ZSCAN1: variants seen among roughly 807,000 people sequenced by gnomAD.
ZSCAN1 encodes zinc finger and SCAN domain-containing protein 1.
Under a neutral mutation model 23.8 loss-of-function variants are expected in ZSCAN1, and 23 were observed. The ratio of observed to expected loss-of-function variants is 0.97; its 90% CI spans 0.70 to 1.37. ZSCAN1 has a LOEUF of 1.37. ZSCAN1 is among the 40% of genes most tolerant of loss of function. The pLI is 0.00. For synonymous variants in ZSCAN1, 236 were observed against 232.3 expected (o/e 1.02, Z -0.15); for missense variants, 575 against 554.0 (o/e 1.04, Z -0.38).
At chr19:58,055,409 C>G (rs551561409), downstream of ZSCAN1, among the ~76,000 whole-genome samples, 17 of 152,346 alleles carry the variant, frequency 1.1e-4, no homozygotes, top group Non-Finnish European at 2.2e-4. Flanking sequence ...TGCTTCCCGG[C>G]TCCCTCAGGC....
rs2073713986 is a variant in ZSCAN1 at position 58,034,086 on chromosome 19, C to T, written c.-227C>T. The T allele has an allele frequency of 6.6e-6, 1 of 151,734 alleles. No individual in the cohort carries two copies. The highest frequency in any genetic ancestry group is 2.4e-5 in the African/African-American group (1 of 41,392). 9.4% of individuals were successfully genotyped at this position (151,734 alleles called of 1,614,324 possible). Reference sequence around the variant, plus strand: ...GCAGGGTGCGGGGATGGGGTCCGCCCGCGGCGTTGGGCGCGCTCGCCAGCC... The same window carrying T: ...GCAGGGTGCGGGGATGGGGTCCGCCTGCGGCGTTGGGCGCGCTCGCCAGCC... On this transcript the variant is annotated 5_prime_UTR_variant, in exon 1 of 6. Transcript: ENST00000282326.
intron 4 of ZSCAN1, among the ~76,000 whole-genome samples, chr19:58,041,779 G>A (rs1277491828): frequency 6.6e-6 from 1 of 152,158 alleles, no homozygotes; most frequent in East Asian, 1.9e-4. Context: ...TGGAGGCTGA[G>A]GTAGGAGGAT....
rs1265259000 is a variant in ZSCAN1 at position 58,040,704 on chromosome 19, C to G, written c.465+160C>G. Among the ~76,000 whole-genome samples the G allele has an allele frequency of 2.0e-5, 3 of 152,210 alleles. No individual in the cohort carries two copies. The highest frequency in any genetic ancestry group is 7.2e-5 in the African/African-American group (3 of 41,448). ...ACTCCCCGCCTGCCCCACAGATTCC[C>G]CAAGCTTCCTGGGGCTCAGTGCTGG... On this transcript the variant is annotated intron_variant, in intron 4 of 5. Coordinates refer to ENST00000282326, the MANE Select transcript of ZSCAN1 (RefSeq NM_182572.4). This position sits in a 1 kb window ranked among gnomAD's most constrained non-coding sequence, Gnocchi z 5.8.
intron 3 of ZSCAN1, among the ~76,000 whole-genome samples, chr19:58,039,174 A>T (rs374983175): frequency 6.6e-6 from 1 of 152,204 alleles, no homozygotes; most frequent in Non-Finnish European, 1.5e-5. Context: ...AGCTTTCCAG[A>T]GGCTCAAGGG....
chr19:58,035,189 G>C (rs369865295), intron 1 of ZSCAN1, among the ~76,000 whole-genome samples: 6 of 151,876 alleles, frequency 4.0e-5, no homozygotes, highest in South Asian at 4.2e-4. Flanking sequence ...TTGCCCATGG[G>C]GGGGCCCAGA....
intron 3 of ZSCAN1, among the ~76,000 whole-genome samples, chr19:58,039,344 C>G (rs895833024): frequency 6.6e-6 from 1 of 152,238 alleles, no homozygotes; most frequent in African/African-American, 2.4e-5. Flanking sequence ...TCCATGGTCA[C>G]TCTCAAAATT....
intron 2 of ZSCAN1, among the ~76,000 whole-genome samples, chr19:58,036,295 C>G (rs117642222): frequency 0.018 from 2,710 of 152,208 alleles, 41 homozygotes; most frequent in Non-Finnish European, 0.024. Context: ...CGCAGTCTAC[C>G]AAGTGTTCTT....
rs1381754107 is a variant in ZSCAN1 at position 58,040,127 on chromosome 19, C to T, written c.371-323C>T. ...ACTCTGTGCACACAGCCCCGGGGGG[C>T]TTGGGGAGCAGAGGGCTCACAGTGC... is the stretch of plus-strand genomic sequence containing the variant. On this transcript the variant is annotated intron_variant, in intron 3 of 5. Transcript: ENST00000282326. This position sits in a 1 kb window ranked among gnomAD's most constrained non-coding sequence, Gnocchi z 5.8. Among the ~76,000 whole-genome samples, 1 of 152,314 alleles carries T rather than the reference C, an allele frequency of 6.6e-6. No homozygotes were observed. Among genetic ancestry groups the T allele is most frequent in the Admixed American group, 6.5e-5 (1 of 15,302 alleles).
At chr19:58,054,998 C>T (rs1261204191), downstream of ZSCAN1, among the ~76,000 whole-genome samples, 1 of 152,110 alleles carries the variant, frequency 6.6e-6, no homozygotes, top group Non-Finnish European at 1.5e-5. This position sits in a 1 kb window ranked among gnomAD's most constrained non-coding sequence, Gnocchi z 4.2. Flanking sequence ...GACGTCACAG[C>T]GGGGAGCCAG....
In ZSCAN1 at chr19:58,053,596, AG is replaced by A; in HGVS notation, c.773del (p.Ser258ThrfsTer24). On this transcript the variant is annotated frameshift_variant, in exon 6 of 6. Coordinates refer to ENST00000282326, the MANE Select transcript of ZSCAN1 (RefSeq NM_182572.4). LOFTEE classifies it low-confidence loss of function (END_TRUNC). This position sits in a 1 kb window ranked among gnomAD's most constrained non-coding sequence, Gnocchi z 5.8. The part of the protein sequence containing the change: ...PRRRNRNTDQ[S>X]GRHQPSLKHT... Reference sequence around the variant, plus strand: ...AAGGAGAAACAGGAACACTGACCAGAGCGGCCGCCACCAGCCATCCCTCAAG... The same window carrying A: ...AAGGAGAAACAGGAACACTGACCAGACGGCCGCCACCAGCCATCCCTCAAG... 6.2e-7 allele frequency: 1 copy of A among 1,614,076 alleles called. No individual in the cohort carries two copies. Among genetic ancestry groups the A allele is most frequent in the South Asian group, 1.1e-5 (1 of 91,068 alleles).
At position 58,045,310 on chromosome 19, in the gene ZSCAN1, C is replaced by T. The variant is rs2123431975; in HGVS notation, c.465+4766C>T. ...AACATGTTGCCATCCACATCCGAGA[C>T]TCAGTCCATCAAGGAGAAGAGGCTG... On this transcript the variant is annotated intron_variant, in intron 4 of 5. Transcript: ENST00000282326. The surrounding 1 kb of genome is among the most constrained non-coding windows in gnomAD (Gnocchi z 4.3). 1 of 793,076 alleles carries T rather than the reference C, an allele frequency of 1.3e-6. No homozygotes were observed. Among genetic ancestry groups the T allele is most frequent in the East Asian group, 2.4e-5 (1 of 41,234 alleles). The allele number at this position is 793,076 out of a possible 1,614,324, so 49.1% of individuals were successfully genotyped here.
Position 58,054,065 on chromosome 19 carries a change from G to A in ZSCAN1, c.*14G>A, listed in dbSNP as rs1232383808. Reference sequence around the variant, plus strand: ...GGCCACATGTGAATGGCCAGCCTCGGGCCTCGGCCACCCGGCCCTGAGTCC... The same window carrying A: ...GGCCACATGTGAATGGCCAGCCTCGAGCCTCGGCCACCCGGCCCTGAGTCC... On this transcript the variant is annotated 3_prime_UTR_variant, in exon 6 of 6. Coordinates refer to ENST00000282326, the MANE Select transcript of ZSCAN1 (RefSeq NM_182572.4). This position sits in a 1 kb window ranked among gnomAD's most constrained non-coding sequence, Gnocchi z 4.2. The A allele has an allele frequency of 2.0e-6, 3 of 1,481,572 alleles. No individual in the cohort carries two copies. The highest frequency in any genetic ancestry group is 2.8e-5 in the African/African-American group (2 of 71,128). The allele number at this position is 1,481,572 out of a possible 1,614,324, so 91.8% of individuals were successfully genotyped here.
rs2073754536 is a variant in ZSCAN1 at position 58,038,183 on chromosome 19, T to G, written c.347T>G (p.Leu116Arg). The G allele has an allele frequency of 6.2e-7, 1 of 1,607,004 alleles. No homozygotes were observed. Among genetic ancestry groups the G allele is most frequent in the Non-Finnish European group, 8.5e-7 (1 of 1,178,238 alleles). The part of the protein sequence containing the change: ...CREAASLVED[L>R]TQMCQQEVLV... ...GAGGCCGCCAGCCTGGTGGAGGACC[T>G]CACACAGATGTGCCAGCAGGAAGGT... The change falls in exon 3 of 6, where the codon CTC becomes CGC. Residue 116 changes from leucine (L) to arginine (R), a missense_variant. Transcript: ENST00000282326.
intron 4 of ZSCAN1, 84 bp from the exon 5 acceptor site, chr19:58,052,406 G>T: frequency 2.5e-6 from 4 of 1,600,192 alleles, no homozygotes; most frequent in African/African-American, 1.3e-5. Flanking sequence ...TGGGGATGAC[G>T]CCCGTTCCTT....
rs147737389 is a variant in ZSCAN1, at chr19:58,053,258, A to C, written c.605-171A>C. On this transcript the variant is annotated intron_variant, in intron 5 of 5. Coordinates refer to ENST00000282326, the MANE Select transcript of ZSCAN1 (RefSeq NM_182572.4). The surrounding 1 kb of genome is among the most constrained non-coding windows in gnomAD (Gnocchi z 5.8). ...AGGCATGAGCCACTGCACCGGCCACATGTGCCCTTGTATCTTAAAGGACAG... is the reference window on the plus strand; with the variant it reads ...AGGCATGAGCCACTGCACCGGCCACCTGTGCCCTTGTATCTTAAAGGACAG... Among the ~76,000 whole-genome samples the C allele has an allele frequency of 5.3e-5, 8 of 152,220 alleles. No individual in the cohort carries two copies. The East Asian group carries it at 1.5e-3, about 29-fold the overall frequency.
chr19:58,038,680 C>T (rs1333365435), intron 3 of ZSCAN1, among the ~76,000 whole-genome samples: 1 of 152,242 alleles, frequency 6.6e-6, no homozygotes, highest in African/African-American at 2.4e-5. Context: ...AAACTGGGCT[C>T]CCTCCCTGTC....
intron 2 of ZSCAN1, 148 bp from the exon 3 acceptor site, chr19:58,037,580 T>C: frequency 2.6e-6 from 1 of 391,554 alleles, no homozygotes; most frequent in East Asian, 4.2e-5. Flanking sequence ...GAGAGGCATG[T>C]GGAAGATTAG....
rs2073752295 is a variant in ZSCAN1, at chr19:58,038,009, A to G, written c.173A>G (p.Gln58Arg). Reference protein sequence around the residue: ...VASGPHLALGQLWTLCRQWLR... With the variant: ...VASGPHLALGRLWTLCRQWLR... ...AGCGGGCCGCACCTCGCGCTGGGCC[A>G]GCTCTGGACGCTGTGCCGCCAGTGG... Residue 58 changes from glutamine to arginine, a missense_variant, in exon 3 of 6, where the codon CAG becomes CGG. Physicochemically the swap from Gln to Arg is conservative, Grantham distance 43 (BLOSUM62 1). Transcript: ENST00000282326. 6.2e-7 allele frequency: 1 copy of G among 1,610,496 alleles called. No homozygotes were observed. Among genetic ancestry groups the G allele is most frequent in the Non-Finnish European group, 8.5e-7 (1 of 1,179,522 alleles).
At position 58,053,557 on chromosome 19, in the gene ZSCAN1, AG is replaced by A; in HGVS notation, c.734del (p.Arg245LysfsTer37). On this transcript the variant is annotated frameshift_variant, in exon 6 of 6. Transcript: ENST00000282326. LOFTEE classifies it low-confidence loss of function (END_TRUNC). The surrounding 1 kb of genome is among the most constrained non-coding windows in gnomAD (Gnocchi z 5.8). ...GAGCCCCAAGGGTCCAAGTGCTCAG[AG>A]AATCAGTCCCCGAAGGAGAAACAGG... Reference protein sequence around the residue: ...ISSPKGPSAQRISPRRRNRNT... With the variant: ...ISSPKGPSAQXISPRRRNRNT... 1.2e-6 allele frequency: 2 copies of A among 1,614,182 alleles called. No individual in the cohort carries two copies. The highest frequency in any genetic ancestry group is 1.7e-6 in the Non-Finnish European group (2 of 1,180,032).
Sources: gnomAD v4.1 joint callset for allele counts (sites outside exome capture counted in the v4.1 genomes callset) on GRCh38, gnomAD v4.1.1 for gene constraint, Gnocchi (gnomAD v3.1) non-coding constraint, MANE v1.5 for transcripts, NCBI Gene and HGNC (gene_info 2026-07-23, HGNC 2026-07-21) for gene names.